Variants in STK3 observed in about 807,000 individuals in gnomAD.
STK3 encodes the protein serine/threonine-protein kinase 3.
A neutral mutation model predicts 58.0 loss-of-function variants in STK3; 41 were observed. That is an observed-to-expected ratio of 0.71 (90% CI 0.55 to 0.92). The LOEUF (loss-of-function observed/expected upper bound fraction) is 0.92, where lower values mean the gene tolerates loss of function less well. Ranked by LOEUF, STK3 falls within the 40% of genes least tolerant of loss-of-function variation. The probability of loss-of-function intolerance (pLI) is 0.00; values close to 1 mark genes in which losing one functional copy is unlikely to be tolerated. For synonymous variants in STK3, 170 were observed against 191.0 expected, an observed-to-expected ratio of 0.89 and a Z score of 0.91; for missense variants, 479 against 602.7, an observed-to-expected ratio of 0.79 and a Z score of 2.15.
At chr8:98,874,245 A>T (rs978376445) in intron 3 of STK3, among the ~76,000 whole-genome samples, 1 of 152,186 alleles carries the variant, frequency 6.6e-6, no homozygotes, top group African/African-American at 2.4e-5. Flanking sequence ...TTTGTGGGTA[A>T]CCTGACCTTT....
intron 1 of STK3, among the ~76,000 whole-genome samples, chr8:98,816,281 C>T (rs1318524334): frequency 3.3e-5 from 5 of 152,180 alleles, no homozygotes. Flanking sequence ...CTTGGGGAGG[C>T]CAAGGCAAGA....
rs895579386 is a variant in STK3, at chr8:98,773,165, CCTCT to C, written c.107+1570_107+1573del. ...AGTGTATTCATCATAATGTTTAATC[CCTCT>C]ATGTCCTTTCTCTTTTTTCTATTAT... On this transcript the variant is annotated intron_variant, in intron 2 of 10. Transcript: ENST00000419617. Among the ~76,000 whole-genome samples the C allele has an allele frequency of 5.7e-4, 87 of 151,586 alleles. 1 individual carries two copies. Among genetic ancestry groups the C allele is most frequent in the African/African-American group, 2.0e-3 (81 of 41,336 alleles).
chr8:98,522,658 G>A (rs1773551908), intron 10 of STK3, among the ~76,000 whole-genome samples: 2 of 152,098 alleles, frequency 1.3e-5, no homozygotes, highest in Admixed American at 1.3e-4. Context: ...CTTCTGGAAC[G>A]TTTTTCATCT....
At chr8:98,369,459 GGTGA>G, downstream of STK3, among the ~76,000 whole-genome samples, 1 of 152,276 alleles carries the variant, frequency 6.6e-6, no homozygotes, top group Non-Finnish European at 1.5e-5. Context: ...GTTCAGGGGA[GGTGA>G]GTGTGAAGGC....
chr8:98,644,208 G>A (rs1683402513), intron 6 of STK3, among the ~76,000 whole-genome samples: 1 of 151,960 alleles, frequency 6.6e-6, no homozygotes, highest in African/African-American at 2.4e-5. Context: ...TCCTTACTCT[G>A]GCCAAAAATC....
intron 6 of STK3, among the ~76,000 whole-genome samples, chr8:98,672,096 G>T (rs1019287010): frequency 2.0e-5 from 3 of 152,076 alleles, no homozygotes; most frequent in African/African-American, 4.8e-5. Context: ...TCAGTCTCGG[G>T]TATTTCTTCA....
intron 3 of STK3, among the ~76,000 whole-genome samples, chr8:98,394,089 G>A (rs1326737789): frequency 1.3e-5 from 2 of 152,268 alleles, no homozygotes; most frequent in South Asian, 4.2e-4. Context: ...GGATAAGATT[G>A]TGTCTTGGGA....
At chr8:98,376,073 T>C (rs1439737972) in intron 2 of STK3, among the ~76,000 whole-genome samples, 6 of 152,378 alleles carry the variant, frequency 3.9e-5, no homozygotes, top group Non-Finnish European at 5.9e-5. Flanking sequence ...CATATCCTTG[T>C]CAGCACTTGG....
intron 4 of STK3, among the ~76,000 whole-genome samples, chr8:98,717,157 G>T (rs568507931): frequency 4.8e-4 from 72 of 150,278 alleles, no homozygotes; most frequent in African/African-American, 1.7e-3. Flanking sequence ...GAGAACACAA[G>T]AATAAAACAG....
At position 98,455,787 on chromosome 8, in the gene STK3, A is replaced by G. The variant is rs2131135672; in HGVS notation, c.*55T>C. 8.2e-6 allele frequency: 13 copies of G among 1,594,990 alleles called. No homozygotes were observed. The South Asian group carries it at 1.5e-4, about 18-fold the overall frequency. ...TTAAAAATATCCAAATATTCCTTCAATTCCTAGTGGTTTCTTGGTCTCCAG... is the reference window on the plus strand; with the variant it reads ...TTAAAAATATCCAAATATTCCTTCAGTTCCTAGTGGTTTCTTGGTCTCCAG... On this transcript the variant is annotated 3_prime_UTR_variant, in exon 11 of 11. Coordinates refer to ENST00000419617, the MANE Select transcript of STK3 (RefSeq NM_006281.4).
chr8:98,713,424 T>A (rs1469295400), intron 4 of STK3, among the ~76,000 whole-genome samples: 5 of 151,200 alleles, frequency 3.3e-5, no homozygotes, highest in African/African-American at 1.2e-4. Context: ...ATAGAAGCAA[T>A]AAAAAAATGA....
At chr8:98,563,037 T>A (rs1812185778) in intron 8 of STK3, among the ~76,000 whole-genome samples, 1 of 149,770 alleles carries the variant, frequency 6.7e-6, no homozygotes. Context: ...AAAGTAACTG[T>A]ATTAAAAATA....
chr8:98,866,296 TGTGGGCAGCTACC>T (rs1272119855), intron 3 of STK3, among the ~76,000 whole-genome samples: 1 of 152,218 alleles, frequency 6.6e-6, no homozygotes, highest in African/African-American at 2.4e-5. Flanking sequence ...TGTCTAGGGC[TGTGGGCAGCTACC>T]TATGTAGTGT....
chr8:98,781,056 C>G (rs1832056485), intron 1 of STK3, among the ~76,000 whole-genome samples: 1 of 152,168 alleles, frequency 6.6e-6, no homozygotes, highest in Non-Finnish European at 1.5e-5. Flanking sequence ...CTGCAAATAG[C>G]TACAAAACTC....
At chr8:98,650,857 C>G (rs543565396) in intron 6 of STK3, among the ~76,000 whole-genome samples, 1 of 152,324 alleles carries the variant, frequency 6.6e-6, no homozygotes, top group South Asian at 2.1e-4. Context: ...TGGGTAGCAC[C>G]CACCACAGCT....
intron 3 of STK3, among the ~76,000 whole-genome samples, chr8:98,878,039 A>G (rs972663776): frequency 7.9e-5 from 12 of 151,552 alleles, no homozygotes; most frequent in Non-Finnish European, 1.3e-4. Flanking sequence ...AACAACAGCA[A>G]CAACAACAAC....
At chr8:98,380,267 G>A (rs68184049) in intron 1 of STK3, among the ~76,000 whole-genome samples, 35,693 of 151,948 alleles carry the variant, frequency 0.23, 4,269 homozygotes, top group East Asian at 0.33. Context: ...CACTTATTAC[G>A]GGGATAGAAA....
intron 8 of STK3, among the ~76,000 whole-genome samples, chr8:98,556,898 C>T (rs1811628765): frequency 6.6e-6 from 1 of 151,986 alleles, no homozygotes. Context: ...AATGGATCAA[C>T]AATAACTCCA....
At position 98,414,376 on chromosome 8, in the gene STK3, T is replaced by C. The variant is rs115570791; in HGVS notation, n.484-12863A>G. 9.7e-3 allele frequency among the ~76,000 whole-genome samples: 1,477 copies of C among 152,352 alleles called. 24 individuals are homozygous for C. Among genetic ancestry groups the C allele is most frequent in the African/African-American group, 0.034 (1,398 of 41,578 alleles). ...ATTTGGTCCTTATAACTGACTCACC[T>C]ACACTTGTTTGTATTACAATTCCAA... is the stretch of plus-strand genomic sequence containing the variant. On this transcript the variant is annotated intron_variant and non_coding_transcript_variant, in intron 3 of 3. Coordinates refer to the STK3 transcript ENST00000517832.
Sources: allele counts gnomAD v4.1 joint callset (sites outside exome capture counted in the v4.1 genomes callset), GRCh38; gene constraint gnomAD v4.1.1; transcripts MANE v1.5; gene names NCBI Gene and HGNC (gene_info 2026-07-23, HGNC 2026-07-21).